SLC35F4: variants seen among roughly 807,000 people sequenced by gnomAD.
SLC35F4 encodes the protein chromosome 14 open reading frame 36.
SLC35F4 carries 24 observed loss-of-function variants against 44.2 expected under a neutral mutation model. The ratio of observed to expected loss-of-function variants is 0.54; its 90% CI spans 0.39 to 0.76. SLC35F4 has a LOEUF of 0.76. Among genes scored for constraint, SLC35F4 ranks in the 30% least tolerant of loss-of-function variants. SLC35F4 has a pLI of 0.00. For synonymous variants in SLC35F4, 238 were observed against 223.6 expected (o/e 1.06, Z -0.57); for missense variants, 562 against 586.1 (o/e 0.96, Z 0.42).
At chr14:57,844,930 T>C (rs1008679652) in intron 1 of SLC35F4, among the ~76,000 whole-genome samples, 5 of 135,634 alleles carry the variant, frequency 3.7e-5, no homozygotes, top group African/African-American at 1.7e-4. Context: ...TCTGTCTCTG[T>C]CTCTTCCCCC....
At chr14:57,821,682 T>G (rs1448213744) in intron 1 of SLC35F4, among the ~76,000 whole-genome samples, 1 of 152,184 alleles carries the variant, frequency 6.6e-6, no homozygotes, top group Non-Finnish European at 1.5e-5. Context: ...GTTGGTTAAA[T>G]CAAATATTCT....
At chr14:57,759,870 T>A (rs2077081966) in intron 1 of SLC35F4, among the ~76,000 whole-genome samples, 1 of 145,490 alleles carries the variant, frequency 6.9e-6, no homozygotes, top group Non-Finnish European at 1.5e-5. Context: ...TATTTGCTCT[T>A]TCTTTGCTTG....
In SLC35F4 at chr14:57,844,654, T is replaced by C. The variant is rs757544711; in HGVS notation, c.103+21069A>G. On this transcript the variant is annotated intron_variant, in intron 1 of 7. Transcript: ENST00000556826. ...CATAAGCTTATTTCTTTTTACCTTC[T>C]AGATGCAGGAAATAGAGAATTCTTC... Among the ~76,000 whole-genome samples the C allele has an allele frequency of 2.6e-5, 4 of 152,158 alleles. No homozygotes were observed. The East Asian group carries it at 7.7e-4, about 29-fold the overall frequency.
chr14:57,906,207 G>C (rs1889101135), intron 1 of SLC35F4, among the ~76,000 whole-genome samples: 1 of 152,206 alleles, frequency 6.6e-6, no homozygotes, highest in African/African-American at 2.4e-5. Flanking sequence ...AATAAAAACA[G>C]AAGGTAGAAG....
intron 1 of SLC35F4, among the ~76,000 whole-genome samples, chr14:57,928,442 G>A (rs1201698534): frequency 6.6e-6 from 1 of 152,196 alleles, no homozygotes; most frequent in Non-Finnish European, 1.5e-5. Flanking sequence ...CACGTGGAGA[G>A]CCGGAACTCC....
At chr14:57,813,281 T>A (rs1882179547) in intron 1 of SLC35F4, among the ~76,000 whole-genome samples, 1 of 152,196 alleles carries the variant, frequency 6.6e-6, no homozygotes. Flanking sequence ...TATAATAGCA[T>A]TAATACTTAT....
intron 1 of SLC35F4, among the ~76,000 whole-genome samples, chr14:57,690,979 CA>C (rs1261229799): frequency 6.6e-6 from 1 of 152,152 alleles, no homozygotes; most frequent in Non-Finnish European, 1.5e-5. Context: ...CAGTCTAGAG[CA>C]GGGGTCCCCA....
At chr14:57,604,630 A>G (rs1262003999) in intron 1 of SLC35F4, among the ~76,000 whole-genome samples, 1 of 152,212 alleles carries the variant, frequency 6.6e-6, no homozygotes, top group Non-Finnish European at 1.5e-5. Context: ...GGAACCAAAA[A>G]AGAGCCCAAA....
intron 1 of SLC35F4, among the ~76,000 whole-genome samples, chr14:57,925,600 G>C (rs1889554922): frequency 6.7e-6 from 1 of 149,342 alleles, no homozygotes; most frequent in Non-Finnish European, 1.5e-5. Flanking sequence ...ATAGAATAGA[G>C]AAACACTTAA....
At chr14:57,896,526 G>A (rs1888873640) in intron 1 of SLC35F4, among the ~76,000 whole-genome samples, 1 of 152,228 alleles carries the variant, frequency 6.6e-6, no homozygotes, top group African/African-American at 2.4e-5. Flanking sequence ...CCATAAGGAC[G>A]TATATGTGAT....
intron 1 of SLC35F4, among the ~76,000 whole-genome samples, chr14:57,745,194 C>T (rs1009147340): frequency 6.6e-6 from 1 of 152,196 alleles, no homozygotes; most frequent in Non-Finnish European, 1.5e-5. Flanking sequence ...ATGTCTAAAA[C>T]ACCAAAAGCA....
In SLC35F4 at chr14:57,882,851, G is replaced by T. The variant is rs552526820; in HGVS notation, n.282+99062C>A. Among the ~76,000 whole-genome samples, 4 of 152,244 alleles carry T rather than the reference G, an allele frequency of 2.6e-5. No individual in the cohort carries two copies. In the South Asian group the frequency reaches 8.3e-4, roughly 32 times the overall value. On this transcript the variant is annotated intron_variant and non_coding_transcript_variant, in intron 1 of 1. Transcript: ENST00000556568. ...ATGACCTTTCCCATGTAATACTGCA[G>T]CTCAACCCATGAAAGGCTGGGTGTT... is the stretch of plus-strand genomic sequence containing the variant.
At chr14:57,790,987 G>A (rs957174567) in intron 1 of SLC35F4, among the ~76,000 whole-genome samples, 2 of 152,142 alleles carry the variant, frequency 1.3e-5, no homozygotes, top group Admixed American at 6.5e-5. Flanking sequence ...ATTAACTCAA[G>A]ATGGATTAAA....
intron 1 of SLC35F4, chr14:57,630,664 C>G: frequency 4.4e-6 from 3 of 678,742 alleles, no homozygotes; most frequent in Non-Finnish European, 8.2e-6. Context: ...AGGTCTTGGA[C>G]TAGTCCTATG....
intron 1 of SLC35F4, among the ~76,000 whole-genome samples, chr14:57,741,425 G>A (rs939495695): frequency 3.3e-5 from 5 of 152,222 alleles, no homozygotes; most frequent in Middle Eastern, 3.4e-3. Context: ...ACCATGGCAC[G>A]AGAACTACGT....
chr14:57,905,239 T>C (rs1219896203), intron 1 of SLC35F4, among the ~76,000 whole-genome samples: 2 of 152,214 alleles, frequency 1.3e-5, no homozygotes, highest in Non-Finnish European at 1.5e-5. Flanking sequence ...TTTCTCTCCA[T>C]GTGAGCCTCT....
chr14:57,659,208 T>A (rs927527880), intron 1 of SLC35F4, among the ~76,000 whole-genome samples: 1 of 152,130 alleles, frequency 6.6e-6, no homozygotes, highest in African/African-American at 2.4e-5. Flanking sequence ...CAGCAAAGAC[T>A]GGAGGCTGCT....
chr14:57,823,099 A>T (rs1283164578), intron 1 of SLC35F4, among the ~76,000 whole-genome samples: 1 of 152,040 alleles, frequency 6.6e-6, no homozygotes, highest in African/African-American at 2.4e-5. Flanking sequence ...AACCACCCAC[A>T]GTCCCCCACT....
chr14:57,665,825 G>T (rs1186960632), intron 1 of SLC35F4, among the ~76,000 whole-genome samples: 1 of 152,172 alleles, frequency 6.6e-6, no homozygotes, highest in Non-Finnish European at 1.5e-5. Context: ...CATGTCTTTT[G>T]CATGGACATG....
Sources: gnomAD v4.1 joint callset for allele counts (sites outside exome capture counted in the v4.1 genomes callset) on GRCh38, gnomAD v4.1.1 for gene constraint, MANE v1.5 for transcripts, NCBI Gene and HGNC (gene_info 2026-07-23, HGNC 2026-07-21) for gene names.